Variants in DDX19A observed in about 807,000 individuals in gnomAD.
The protein encoded by DDX19A is ATP-dependent RNA helicase DDX19A.
In DDX19A, 12 loss-of-function variants were observed where a neutral mutation model predicts 60.6. The observed-to-expected ratio is 0.20, with a 90% confidence interval of 0.13 to 0.32. DDX19A has a LOEUF of 0.32. DDX19A is among the 10% of genes least tolerant of loss of function. The probability of loss-of-function intolerance (pLI) is 1.00; values close to 1 mark genes in which losing one functional copy is unlikely to be tolerated. For synonymous variants in DDX19A, 206 were observed against 218.2 expected, an observed-to-expected ratio of 0.94 and a Z score of 0.49; for missense variants, 337 against 600.6, an observed-to-expected ratio of 0.56 and a Z score of 4.59.
At chr16:70,350,666 A>G (rs1963983947) in intron 2 of DDX19A, 61 bp downstream of exon 2, 5 of 1,241,128 alleles carry the variant, frequency 4.0e-6, no homozygotes, top group Middle Eastern at 1.9e-4. Context: ...CTTTGCACTC[A>G]TAGCTGCATT....
At position 70,348,389 on chromosome 16, in the gene DDX19A, G is replaced by A. The variant is rs770404615; in HGVS notation, c.57+1341G>A. Reference sequence around the variant, plus strand: ...ACCTGTGATCCCAGCACTTTGGGAGGCCGAGGCGGGCAGATCACTCGAGGT... The same window carrying A: ...ACCTGTGATCCCAGCACTTTGGGAGACCGAGGCGGGCAGATCACTCGAGGT... On this transcript the variant is annotated intron_variant, in intron 1 of 11. Transcript: ENST00000302243. Among the ~76,000 whole-genome samples, 4 of 151,978 alleles carry A rather than the reference G, an allele frequency of 2.6e-5. No homozygotes were observed. In the South Asian group the frequency reaches 6.2e-4, roughly 24 times the overall value.
chr16:70,366,341 G>A, intron 8 of DDX19A, 79 bp downstream of exon 8: 1 of 1,593,028 alleles, frequency 6.3e-7, no homozygotes, highest in Non-Finnish European at 8.6e-7. Flanking sequence ...CGCCTCCTCT[G>A]GCTTCTGCCT....
rs71151183 is a variant in DDX19A at position 70,357,366 on chromosome 16, G to GTTTTTTTTTTTTTTTTTTTT, written c.293+1136_293+1155dup. Among the ~76,000 whole-genome samples, 12 of 44,580 alleles carry GTTTTTTTTTTTTTTTTTTTT rather than the reference G, an allele frequency of 2.7e-4. 5 individuals are homozygous for GTTTTTTTTTTTTTTTTTTTT. The highest frequency in any genetic ancestry group is 1.5e-3 in the East Asian group (2 of 1,370). The allele number at this position is 44,580 out of a possible 152,430, so 29.2% of individuals were successfully genotyped here. A position where few individuals can be genotyped will look rare whatever the true frequency, so the allele number is the denominator to read the frequency against. On this transcript the variant is annotated intron_variant, in intron 4 of 11. Transcript: ENST00000302243. ...AATCTGTCAAATCTGTTTTTGGTTTGTTTTTTTTTTTTTTTTTTTTTTTTT... is the reference window on the plus strand; with the variant it reads ...AATCTGTCAAATCTGTTTTTGGTTTGTTTTTTTTTTTTTTTTTTTTTTTTTTTTTTTTTTTTTTTTTTTTT...
intron 5 of DDX19A, chr16:70,364,315 G>C (rs996306259): frequency 6.0e-6 from 3 of 502,700 alleles, no homozygotes; most frequent in Non-Finnish European, 1.1e-5. Context: ...GCTAGAATGA[G>C]AATTTCTTGG....
rs762021805 is a variant in DDX19A, at chr16:70,361,520, C to T, written c.386+10C>T. 3 of 1,593,656 alleles carry T rather than the reference C, an allele frequency of 1.9e-6. No individual in the cohort carries two copies. Among genetic ancestry groups the T allele is most frequent in the South Asian group, 2.2e-5 (2 of 90,630 alleles). On this transcript the variant is annotated intron_variant, in intron 5 of 11. Coordinates refer to ENST00000302243, the MANE Select transcript of DDX19A (RefSeq NM_018332.5). ...TGATGCTTGCTGAACCGTGAGTATG[C>T]AGATGAAGCGCATCTCACCCAGTGT...
At chr16:70,355,062 A>G (rs1263622168) in intron 2 of DDX19A, among the ~76,000 whole-genome samples, 4 of 152,122 alleles carry the variant, frequency 2.6e-5, no homozygotes, top group African/African-American at 9.7e-5. Flanking sequence ...CCAACTATTT[A>G]TATTTTGATT....
rs1206407098 is a variant in DDX19A, at chr16:70,351,948, C to A, written c.106+1343C>A. 3.3e-5 allele frequency among the ~76,000 whole-genome samples: 5 copies of A among 151,934 alleles called. No individual in the cohort carries two copies. The East Asian group carries it at 9.6e-4, about 29-fold the overall frequency. ...TATAATAAAGTACAAGGATTAGGGC[C>A]CACCCTAGTGACCTCATCTTAACTA... On this transcript the variant is annotated intron_variant, in intron 2 of 11. Transcript: ENST00000302243.
chr16:70,351,952 C>T (rs970668624), intron 2 of DDX19A, among the ~76,000 whole-genome samples: 4 of 151,992 alleles, frequency 2.6e-5, no homozygotes, highest in Non-Finnish European at 5.9e-5. Context: ...TAGGGCCCAC[C>T]CTAGTGACCT....
At chr16:70,369,122 C>T (rs961739440) in intron 9 of DDX19A, among the ~76,000 whole-genome samples, 3 of 151,484 alleles carry the variant, frequency 2.0e-5, no homozygotes, top group Admixed American at 2.0e-4. Context: ...CCGCCTCGGC[C>T]TCCCAAAGTG....
rs2047282790 is a variant in DDX19A at position 70,372,137 on chromosome 16, C to G, written c.*151C>G. The G allele has an allele frequency of 1.5e-6, 2 of 1,303,774 alleles. No homozygotes were observed. Among genetic ancestry groups the G allele is most frequent in the Admixed American group, 2.2e-5 (1 of 44,730 alleles). 80.8% of individuals were successfully genotyped at this position (1,303,774 alleles called of 1,614,324 possible). A position where few individuals can be genotyped will look rare whatever the true frequency, so the allele number is the denominator to read the frequency against. Reference sequence around the variant, plus strand: ...CACTTCAAATTATGTTTGGACTTGACAAAAATAGGTGCAAATGATGGGGGG... The same window carrying G: ...CACTTCAAATTATGTTTGGACTTGAGAAAAATAGGTGCAAATGATGGGGGG... On this transcript the variant is annotated 3_prime_UTR_variant, in exon 12 of 12. Transcript: ENST00000302243.
chr16:70,349,547 C>T (rs2152222968), intron 1 of DDX19A, among the ~76,000 whole-genome samples: 1 of 152,314 alleles, frequency 6.6e-6, no homozygotes, highest in Middle Eastern at 3.4e-3. Flanking sequence ...GCGGTCAGGC[C>T]TGCTGTGTTC....
rs190797951 is a variant in DDX19A, at chr16:70,346,924, G to A, written c.-68G>A. Reference sequence around the variant, plus strand: ...AGGTGCATTCTCGCGCCGGTGGCGAGGTTAGGGCCCGCGTTGCGACGTGGT... The same window carrying A: ...AGGTGCATTCTCGCGCCGGTGGCGAAGTTAGGGCCCGCGTTGCGACGTGGT... On this transcript the variant is annotated 5_prime_UTR_variant, in exon 1 of 12. Transcript: ENST00000302243. The A allele has an allele frequency of 4.6e-6, 7 of 1,521,494 alleles. No homozygotes were observed. Among genetic ancestry groups the A allele is most frequent in the Admixed American group, 1.9e-5 (1 of 53,206 alleles). 94.2% of individuals were successfully genotyped at this position (1,521,494 alleles called of 1,614,324 possible). A position where few individuals can be genotyped will look rare whatever the true frequency, so the allele number is the denominator to read the frequency against.
At chr16:70,368,419 C>T (rs971166057) in intron 9 of DDX19A, among the ~76,000 whole-genome samples, 28 of 152,010 alleles carry the variant, frequency 1.8e-4, no homozygotes, top group African/African-American at 6.5e-4. Context: ...ATTACCAGCG[C>T]CCGCCATCAT....
At chr16:70,351,610 C>T (rs557504743) in intron 2 of DDX19A, among the ~76,000 whole-genome samples, 12 of 150,582 alleles carry the variant, frequency 8.0e-5, no homozygotes, top group African/African-American at 2.9e-4. Flanking sequence ...CTGCAAGCTC[C>T]GCCTCCCAGG....
At chr16:70,355,385 A>T in intron 2 of DDX19A, 100 bp from the exon 3 acceptor site, 3 of 969,502 alleles carry the variant, frequency 3.1e-6, no homozygotes, top group Non-Finnish European at 3.2e-6. Flanking sequence ...TGAAAAATAA[A>T]AAAATAAAAT....
chr16:70,355,381 A>C, intron 2 of DDX19A, 104 bp from the exon 3 acceptor site: 1 of 934,452 alleles, frequency 1.1e-6, no homozygotes, highest in Non-Finnish European at 1.7e-6. Context: ...CGTCTGAAAA[A>C]TAAAAAAATA....
At position 70,362,550 on chromosome 16, in the gene DDX19A, C is replaced by T. The variant is rs372523806; in HGVS notation, c.386+1040C>T. Among the ~76,000 whole-genome samples, 108 of 152,170 alleles carry T rather than the reference C, an allele frequency of 7.1e-4. 1 individual carries two copies. Among genetic ancestry groups the T allele is most frequent in the African/African-American group, 2.4e-3 (99 of 41,520 alleles). On this transcript the variant is annotated intron_variant, in intron 5 of 11. Coordinates refer to ENST00000302243, the MANE Select transcript of DDX19A (RefSeq NM_018332.5). ...TGATAGTTGAAGCCCCTGAATTCCC[C>T]TCCTTCCACATCCTTCTCCCACCCT... is the stretch of plus-strand genomic sequence containing the variant.
intron 5 of DDX19A, among the ~76,000 whole-genome samples, chr16:70,362,037 T>C (rs1177425730): frequency 2.0e-5 from 3 of 151,184 alleles, no homozygotes; most frequent in African/African-American, 7.3e-5. Context: ...TATCCAGGCC[T>C]GTTGGCATGT....
intron 4 of DDX19A, among the ~76,000 whole-genome samples, chr16:70,359,217 G>C (rs921365328): frequency 6.6e-6 from 1 of 152,204 alleles, no homozygotes; most frequent in Non-Finnish European, 1.5e-5. Flanking sequence ...GTCAGTGGAA[G>C]CTGTTGGATC....
Sources: gnomAD v4.1 joint callset for allele counts (sites outside exome capture counted in the v4.1 genomes callset) on GRCh38, gnomAD v4.1.1 for gene constraint, MANE v1.5 for transcripts, NCBI Gene and HGNC (gene_info 2026-07-23, HGNC 2026-07-21) for gene names.